ROBO2: variants seen among roughly 807,000 people sequenced by gnomAD.
ROBO2 encodes roundabout homolog 2.
A neutral mutation model predicts 160.8 loss-of-function variants in ROBO2; 53 were observed. The observed-to-expected ratio is 0.33, with a 90% CI of 0.26 to 0.41. The LOEUF is 0.41. Among genes scored for constraint, ROBO2 ranks in the 10% least tolerant of loss-of-function variants. The pLI is 1.00. For synonymous variants in ROBO2, 664 were observed against 611.7 expected, an observed-to-expected ratio of 1.09 and a Z score of -1.26; for missense variants, 1,577 against 1,722.4, an observed-to-expected ratio of 0.92 and a Z score of 1.49.
At chr3:77,159,971 C>T (rs2078341192) in intron 2 of ROBO2, among the ~76,000 whole-genome samples, 1 of 151,946 alleles carries the variant, frequency 6.6e-6, no homozygotes, top group South Asian at 2.1e-4. Flanking sequence ...TTTGTTTCTT[C>T]TGAAATTATC....
chr3:77,266,177 A>G (rs1247183008), intron 2 of ROBO2, among the ~76,000 whole-genome samples: 1 of 150,950 alleles, frequency 6.6e-6, no homozygotes, highest in Non-Finnish European at 1.5e-5. Flanking sequence ...TCCCCATGCT[A>G]TTTATTTCTA....
chr3:76,287,077 T>C (rs903605099), intron 2 of ROBO2, among the ~76,000 whole-genome samples: 24 of 152,278 alleles, frequency 1.6e-4, no homozygotes, highest in Admixed American at 1.2e-3. Context: ...TATTCCTCTA[T>C]GACAGTTAAA....
intron 5 of ROBO2, among the ~76,000 whole-genome samples, chr3:77,499,651 CT>C (rs548250821): frequency 0.01 from 1,403 of 135,804 alleles, 9 homozygotes; most frequent in South Asian, 0.026. Context: ...ATCACTTACG[CT>C]TTTTTTTTTT....
At chr3:77,049,443 G>C (rs2065006784) in intron 1 of ROBO2, among the ~76,000 whole-genome samples, 1 of 152,160 alleles carries the variant, frequency 6.6e-6, no homozygotes, top group Admixed American at 6.5e-5. Flanking sequence ...CTGTGTTTTG[G>C]TGTGGGTTCA....
chr3:76,040,540 A>G lies in ROBO2; in HGVS notation c.109+102938A>G, dbSNP rs192992858. 1.9e-3 allele frequency among the ~76,000 whole-genome samples: 284 copies of G among 152,222 alleles called. 2 individuals carry two copies. Among genetic ancestry groups the G allele is most frequent in the Non-Finnish European group, 3.5e-3 (239 of 68,024 alleles). ...TTCTTTAGTGTCTGCATCTACAAAC[A>G]AAATTTCCCTGATAATTTTATTTTT... On this transcript the variant is annotated intron_variant, in intron 2 of 26. Coordinates refer to the ROBO2 transcript ENST00000487694.
At chr3:76,369,920 G>A (rs996797189) in intron 2 of ROBO2, among the ~76,000 whole-genome samples, 10 of 151,882 alleles carry the variant, frequency 6.6e-5, no homozygotes, top group African/African-American at 2.2e-4. Context: ...CTCTGAACAC[G>A]TGACAGTAAC....
At chr3:77,552,850 T>G (rs776561826) in intron 8 of ROBO2, among the ~76,000 whole-genome samples, 7 of 152,136 alleles carry the variant, frequency 4.6e-5, no homozygotes, top group Non-Finnish European at 1.0e-4. Context: ...TACCCATAGT[T>G]TTGATTTTTC....
At chr3:77,631,559 T>C (rs2095163955) in intron 23 of ROBO2, 1 of 152,198 alleles carries the variant, frequency 6.6e-6, no homozygotes. Flanking sequence ...ATAAATCTTG[T>C]AATATTAATT....
At chr3:76,026,764 T>C (rs2066760214) in intron 2 of ROBO2, among the ~76,000 whole-genome samples, 1 of 151,942 alleles carries the variant, frequency 6.6e-6, no homozygotes, top group Admixed American at 6.6e-5. Context: ...AAATGTGAAG[T>C]AGGGAAGGTG....
At position 76,387,315 on chromosome 3, in the gene ROBO2, A is replaced by G. The variant is rs375884054; in HGVS notation, c.109+449713A>G. Among the ~76,000 whole-genome samples, 40 of 152,312 alleles carry G rather than the reference A, an allele frequency of 2.6e-4. No individual in the cohort carries two copies. In the East Asian group the frequency reaches 3.1e-3, roughly 12 times the overall value. On this transcript the variant is annotated intron_variant, in intron 2 of 26. Transcript: ENST00000487694. ...TCAAATCATAACAGAAGGTCACAGT[A>G]GCAGATCAGAAAGGAATGAGGGCAG...
At chr3:76,265,192 T>G (rs146325969) in intron 2 of ROBO2, among the ~76,000 whole-genome samples, 9,366 of 152,206 alleles carry the variant, frequency 0.062, 387 homozygotes, top group Non-Finnish European at 0.094. Flanking sequence ...GCTTGATCCA[T>G]GTCCCTCAGT....
At chr3:76,194,792 GT>G (rs1559629658) in intron 2 of ROBO2, among the ~76,000 whole-genome samples, 6 of 152,040 alleles carry the variant, frequency 3.9e-5, no homozygotes, top group Admixed American at 3.3e-4. Flanking sequence ...GCTAACTTTT[GT>G]ATTTTTAGTA....
At chr3:76,030,239 T>G (rs943158452) in intron 2 of ROBO2, among the ~76,000 whole-genome samples, 2 of 152,248 alleles carry the variant, frequency 1.3e-5, no homozygotes, top group African/African-American at 4.8e-5. Context: ...TAAATTTGTT[T>G]AAGTTCCTTG....
At chr3:76,046,570 C>G (rs2067459002) in intron 2 of ROBO2, among the ~76,000 whole-genome samples, 1 of 151,902 alleles carries the variant, frequency 6.6e-6, no homozygotes, top group Non-Finnish European at 1.5e-5. Context: ...ATGGCGTGAA[C>G]CCGGGAGGCG....
At chr3:77,170,066 C>T (rs1181406619) in intron 2 of ROBO2, among the ~76,000 whole-genome samples, 3 of 152,302 alleles carry the variant, frequency 2.0e-5, no homozygotes, top group African/African-American at 7.2e-5. Context: ...ATCCTTTGGC[C>T]ACTGCCTTCC....
At chr3:76,109,780 T>A in intron 2 of ROBO2, among the ~76,000 whole-genome samples, 1 of 151,898 alleles carries the variant, frequency 6.6e-6, no homozygotes, top group East Asian at 1.9e-4. Flanking sequence ...ATAGTAAACA[T>A]TGTACCCAGT....
At chr3:75,989,184 T>C (rs1027532796) in intron 2 of ROBO2, among the ~76,000 whole-genome samples, 2 of 152,088 alleles carry the variant, frequency 1.3e-5, no homozygotes, top group Non-Finnish European at 2.9e-5. Flanking sequence ...AATGGTGTGA[T>C]CTGGCTCACT....
chr3:77,624,875 T>C (rs544496213), intron 23 of ROBO2, among the ~76,000 whole-genome samples: 39 of 152,118 alleles, frequency 2.6e-4, no homozygotes, highest in Admixed American at 7.9e-4. Flanking sequence ...AATCAGAATA[T>C]TGGGTTCCAG....
rs186977578 is a variant in ROBO2 at position 75,932,657 on chromosome 3, A to T, written c.-13-4824A>T. On this transcript the variant is annotated intron_variant, in intron 1 of 26. Transcript: ENST00000487694. The stretch of plus-strand genomic sequence containing the variant: ...TAAAGATGCCTGGTTCTTGTGGGGC[A>T]AATTGGCAAATGATTTATCTGAACT... 1.1e-3 allele frequency among the ~76,000 whole-genome samples: 162 copies of T among 152,328 alleles called. 3 individuals are homozygous for T. Among genetic ancestry groups the T allele is most frequent in the South Asian group, 3.1e-3 (15 of 4,828 alleles).
Sources: gnomAD v4.1 joint callset for allele counts (sites outside exome capture counted in the v4.1 genomes callset) on GRCh38, gnomAD v4.1.1 for gene constraint, MANE v1.5 for transcripts, NCBI Gene and HGNC (gene_info 2026-07-23, HGNC 2026-07-21) for gene names.